Variants in MACROD2 observed in about 807,000 individuals in gnomAD.
The protein encoded by MACROD2 is mono-ADP ribosylhydrolase 2.
A neutral mutation model predicts 70.4 loss-of-function variants in MACROD2; 36 were observed. The observed-to-expected ratio is 0.51, with a 90% CI of 0.39 to 0.68. The LOEUF is 0.68. Ranked by LOEUF, MACROD2 falls within the 30% of genes least tolerant of loss-of-function variation. The pLI is 0.00. For missense variants in MACROD2, 496 were observed against 538.4 expected (o/e 0.92, Z 0.78); for synonymous variants, 172 against 178.8 (o/e 0.96, Z 0.30).
chr20:15,114,622 C>T (rs6105361), intron 5 of MACROD2, among the ~76,000 whole-genome samples: 72,154 of 151,952 alleles, frequency 0.47, 20,028 homozygotes, highest in East Asian at 0.86. Context: ...TAAGCCATGC[C>T]CAGACTTCTG....
intron 8 of MACROD2, among the ~76,000 whole-genome samples, chr20:15,836,816 A>G (rs141536527): frequency 6.6e-5 from 10 of 152,312 alleles, no homozygotes; most frequent in African/African-American, 2.4e-4. Context: ...AGAGTTTTCA[A>G]GGAAGCAATA....
At chr20:14,572,407 A>G (rs937339637) in intron 4 of MACROD2, among the ~76,000 whole-genome samples, 2 of 152,118 alleles carry the variant, frequency 1.3e-5, no homozygotes, top group Non-Finnish European at 2.9e-5. Flanking sequence ...TACCTACCCT[A>G]TGAACAGCAG....
At chr20:14,699,047 A>G (rs370807582) in intron 5 of MACROD2, among the ~76,000 whole-genome samples, 3 of 152,042 alleles carry the variant, frequency 2.0e-5, no homozygotes, top group Non-Finnish European at 2.9e-5. Context: ...TTAAAAGTCT[A>G]TAATTTAAGT....
At chr20:14,400,566 G>T (rs1221006511) in intron 3 of MACROD2, among the ~76,000 whole-genome samples, 2 of 152,094 alleles carry the variant, frequency 1.3e-5, no homozygotes, top group African/African-American at 4.8e-5. Flanking sequence ...ATTTCTGGGT[G>T]CCATACTCCA....
At chr20:14,616,305 C>T (rs149516884) in intron 4 of MACROD2, among the ~76,000 whole-genome samples, 56 of 152,196 alleles carry the variant, frequency 3.7e-4, no homozygotes, top group Non-Finnish European at 6.6e-4. Flanking sequence ...ACTTTCTAGC[C>T]ATCCCTTCCA....
At chr20:15,947,021 A>G (rs2065833098) in intron 12 of MACROD2, among the ~76,000 whole-genome samples, 1 of 152,164 alleles carries the variant, frequency 6.6e-6, no homozygotes, top group Non-Finnish European at 1.5e-5. Flanking sequence ...CTCTACCCAA[A>G]CATCTCAGTG....
intron 5 of MACROD2, chr20:14,757,536 C>G (rs2071957037): frequency 1.3e-6 from 1 of 746,476 alleles, no homozygotes; most frequent in Admixed American, 2.2e-5. Context: ...TATCTAGGCC[C>G]TGGCCCCGGA....
intron 1 of MACROD2, among the ~76,000 whole-genome samples, chr20:14,001,256 A>G (rs2052729877): frequency 6.6e-6 from 1 of 152,204 alleles, no homozygotes; most frequent in African/African-American, 2.4e-5. Flanking sequence ...TATCAATTTT[A>G]TGAGTTATTA....
intron 8 of MACROD2, among the ~76,000 whole-genome samples, chr20:15,646,457 G>A (rs188842813): frequency 2.6e-5 from 4 of 152,254 alleles, no homozygotes; most frequent in Admixed American, 2.0e-4. Flanking sequence ...ACAATCTTGG[G>A]AGCTACGTGT....
chr20:14,378,737 C>A (rs537045241), intron 3 of MACROD2, among the ~76,000 whole-genome samples: 2 of 152,214 alleles, frequency 1.3e-5, no homozygotes, highest in African/African-American at 4.8e-5. Flanking sequence ...TCCATGAGGC[C>A]GGAGCCCTTA....
chr20:15,087,103 C>T (rs1031366506), intron 5 of MACROD2, among the ~76,000 whole-genome samples: 1 of 152,012 alleles, frequency 6.6e-6, no homozygotes, highest in African/African-American at 2.4e-5. Context: ...TATTATCTCT[C>T]TTATTTATCT....
intron 5 of MACROD2, among the ~76,000 whole-genome samples, chr20:14,897,213 T>C (rs1206871669): frequency 6.6e-6 from 1 of 152,158 alleles, no homozygotes; most frequent in African/African-American, 2.4e-5. Flanking sequence ...ATGGACTGAC[T>C]GCAGACAGGT....
At chr20:15,857,640 A>G (rs2064372060) in intron 8 of MACROD2, among the ~76,000 whole-genome samples, 1 of 152,206 alleles carries the variant, frequency 6.6e-6, no homozygotes, top group Non-Finnish European at 1.5e-5. Context: ...CTTCTGCCCT[A>G]CAAATCTCAT....
At chr20:15,446,410 TGTATTCTAAA>T (rs2046566134) in intron 7 of MACROD2, among the ~76,000 whole-genome samples, 1 of 152,186 alleles carries the variant, frequency 6.6e-6, no homozygotes. Context: ...AATAAAACAT[TGTATTCTAAA>T]GCAGAGGCGT....
chr20:15,872,457 A>G (rs1184893063), intron 9 of MACROD2, among the ~76,000 whole-genome samples: 4 of 152,202 alleles, frequency 2.6e-5, no homozygotes, highest in African/African-American at 7.2e-5. Flanking sequence ...GCTTGTTATT[A>G]TAAGAAATGG....
At chr20:14,719,473 GAAAAA>G (rs11087105) in intron 5 of MACROD2, among the ~76,000 whole-genome samples, 1 of 136,322 alleles carries the variant, frequency 7.3e-6, no homozygotes, top group Non-Finnish European at 1.6e-5. Context: ...AAGATAGAAA[GAAAAA>G]AAAAAAAAAG....
At chr20:14,610,373 A>G (rs1983082500) in intron 4 of MACROD2, among the ~76,000 whole-genome samples, 1 of 152,106 alleles carries the variant, frequency 6.6e-6, no homozygotes, top group African/African-American at 2.4e-5. Context: ...AAAACACAAT[A>G]TAATCTTTCA....
chr20:14,731,013 A>G (rs2071591109), intron 5 of MACROD2, among the ~76,000 whole-genome samples: 1 of 151,546 alleles, frequency 6.6e-6, no homozygotes, highest in Admixed American at 6.6e-5. Context: ...ACACACATGC[A>G]CACACACACT....
At chr20:14,520,901 A>T in intron 4 of MACROD2, among the ~76,000 whole-genome samples, 1 of 152,102 alleles carries the variant, frequency 6.6e-6, no homozygotes, top group Non-Finnish European at 1.5e-5. Flanking sequence ...ACAGGACATT[A>T]GCACTAGATA....
Sources: gnomAD v4.1 joint callset for allele counts (sites outside exome capture counted in the v4.1 genomes callset) on GRCh38, gnomAD v4.1.1 for gene constraint, MANE v1.5 for transcripts, NCBI Gene and HGNC (gene_info 2026-07-23, HGNC 2026-07-21) for gene names.